RANBP2: variants seen among roughly 807,000 people sequenced by gnomAD.
The protein encoded by RANBP2 is RAN binding protein 2, also known as E3 SUMO-protein ligase RanBP2.
RANBP2 carries 57 observed loss-of-function variants against 303.6 expected under a neutral mutation model. The ratio of observed to expected loss-of-function variants is 0.19; its 90% confidence interval spans 0.15 to 0.23. The LOEUF is 0.23. RANBP2 is among the 10% of genes least tolerant of loss of function. The pLI is 1.00. For synonymous variants in RANBP2, 1,167 were observed against 1,301.5 expected, an observed-to-expected ratio of 0.90 and a Z score of 2.23; for missense variants, 3,138 against 3,780.8, an observed-to-expected ratio of 0.83 and a Z score of 4.46.
chr2:109,441,132 C>CAAAAAA, the RANBP2 span, among the ~76,000 whole-genome samples: 17 of 134,050 alleles, frequency 1.3e-4, no homozygotes, highest in African/African-American at 5.0e-4. Context: ...TATAGGAATA[C>CAAAAAA]AAAAAAAAAA....
the RANBP2 span, among the ~76,000 whole-genome samples, chr2:109,263,528 T>C: frequency 6.6e-6 from 1 of 152,214 alleles, no homozygotes; most frequent in African/African-American, 2.4e-5. Context: ...ATAGAAAGAT[T>C]GATTCTCTCA....
At chr2:109,421,268 A>G in the RANBP2 span, among the ~76,000 whole-genome samples, 4 of 152,378 alleles carry the variant, frequency 2.6e-5, no homozygotes, top group South Asian at 8.3e-4. Context: ...TGAGTGCTTC[A>G]AGGGCAAAGC....
chr2:108,900,923 A>G, the RANBP2 span, among the ~76,000 whole-genome samples: 1 of 152,208 alleles, frequency 6.6e-6, no homozygotes, highest in Non-Finnish European at 1.5e-5. Flanking sequence ...ACCTGAAAGA[A>G]GAGATAAGTC....
At chr2:109,449,509 C>T in the RANBP2 span, 79 of 1,610,704 alleles carry the variant, frequency 4.9e-5, no homozygotes, top group Non-Finnish European at 5.9e-5. Context: ...CCATCCTGGA[C>T]GAGCCCTGGG....
chr2:109,041,683 G>A, the RANBP2 span, among the ~76,000 whole-genome samples: 3 of 141,014 alleles, frequency 2.1e-5, no homozygotes, highest in Admixed American at 7.0e-5. Context: ...CACCATGCCC[G>A]GCTTTTTTTT....
At position 108,766,436 on chromosome 2, in the gene RANBP2, C is replaced by A. The variant is rs397842524; in HGVS notation, c.5897C>A (p.Pro1966His). 6.2e-7 allele frequency: 1 copy of A among 1,611,824 alleles called. No individual in the cohort carries two copies. Among genetic ancestry groups the A allele is most frequent in the South Asian group, 1.1e-5 (1 of 90,976 alleles). ...GEGFQFGKKD[P>H]NFKGFSGAGE... ...GGATTTCAGTTTGGCAAAAAAGACCCCAATTTCAAGGGATTTTCAGGTGCT... is the reference window on the plus strand; with the variant it reads ...GGATTTCAGTTTGGCAAAAAAGACCACAATTTCAAGGGATTTTCAGGTGCT... Residue 1966 changes from proline to histidine, a missense_variant, in exon 20 of 29, where the codon CCC becomes CAC. By Grantham distance (77) the Pro-to-His change is moderately conservative. Around this residue, in one of 20 missense-constraint regions of RANBP2, gnomAD observed 348 missense variants for 360.4 expected, o/e 0.97. Coordinates refer to ENST00000283195, the MANE Select transcript of RANBP2 (RefSeq NM_006267.5).
At chr2:109,658,175 C>T in the RANBP2 span, among the ~76,000 whole-genome samples, 3 of 151,652 alleles carry the variant, frequency 2.0e-5, no homozygotes, top group South Asian at 6.3e-4. Flanking sequence ...TCAGCCGGGG[C>T]GGTGGCTCAT....
the RANBP2 span, among the ~76,000 whole-genome samples, chr2:109,765,818 TG>T: frequency 6.6e-6 from 1 of 150,932 alleles, no homozygotes. Context: ...TCAAATCAAC[TG>T]CCAGGGGACA....
At chr2:109,687,080 T>C in the RANBP2 span, among the ~76,000 whole-genome samples, 1 of 152,246 alleles carries the variant, frequency 6.6e-6, no homozygotes, top group Non-Finnish European at 1.5e-5. Context: ...ATTTGTCCTT[T>C]AAATACAGCC....
At chr2:108,859,586 T>A in the RANBP2 span, among the ~76,000 whole-genome samples, 1 of 151,754 alleles carries the variant, frequency 6.6e-6, no homozygotes, top group East Asian at 1.9e-4. Context: ...TATTGTGATT[T>A]TCTTTGTTGA....
chr2:108,876,360 A>G, the RANBP2 span: 1 of 599,162 alleles, frequency 1.7e-6, no homozygotes, highest in Non-Finnish European at 2.8e-6. Context: ...AGCATCATTT[A>G]TCATGAAAAA....
chr2:109,449,816 C>T, the RANBP2 span, among the ~76,000 whole-genome samples: 1 of 152,210 alleles, frequency 6.6e-6, no homozygotes, highest in African/African-American at 2.4e-5. Context: ...TTTGTTAGAA[C>T]AGGATATTTA....
the RANBP2 span, among the ~76,000 whole-genome samples, chr2:109,648,665 T>TC: frequency 6.6e-6 from 1 of 150,476 alleles, no homozygotes; most frequent in Admixed American, 6.7e-5. Context: ...TTTTTTTTTT[T>TC]TTTTCTGAGA....
At chr2:109,169,234 T>C in the RANBP2 span, among the ~76,000 whole-genome samples, 1 of 152,240 alleles carries the variant, frequency 6.6e-6, no homozygotes, top group African/African-American at 2.4e-5. Flanking sequence ...CTGGTTTGTC[T>C]CTAAGCATTT....
chr2:109,560,279 C>T, the RANBP2 span, among the ~76,000 whole-genome samples: 2 of 152,156 alleles, frequency 1.3e-5, no homozygotes, highest in African/African-American at 2.4e-5. Flanking sequence ...CAAGAATTGT[C>T]AAGGAAGCAC....
At chr2:109,469,446 T>A in the RANBP2 span, among the ~76,000 whole-genome samples, 3 of 152,132 alleles carry the variant, frequency 2.0e-5, no homozygotes, top group Admixed American at 2.0e-4. Flanking sequence ...CGAGGAAGGG[T>A]TTGACAGTAA....
the RANBP2 span, among the ~76,000 whole-genome samples, chr2:109,344,495 G>A: frequency 1.3e-5 from 2 of 152,216 alleles, no homozygotes; most frequent in Admixed American, 6.5e-5. Context: ...CTCGGCTGCC[G>A]TGCCGAGGAG....
the RANBP2 span, among the ~76,000 whole-genome samples, chr2:109,659,197 C>T: frequency 4.0e-5 from 6 of 151,700 alleles, no homozygotes; most frequent in Non-Finnish European, 2.9e-5. Flanking sequence ...GCCAACACGG[C>T]GAAACCCCAT....
the RANBP2 span, among the ~76,000 whole-genome samples, chr2:109,091,081 A>C: frequency 1.3e-5 from 2 of 152,114 alleles, no homozygotes; most frequent in Non-Finnish European, 2.9e-5. Context: ...AAAAAAGTAA[A>C]ATAGTCAGGC....
Sources: gnomAD v4.1 joint callset for allele counts (sites outside exome capture counted in the v4.1 genomes callset) on GRCh38, gnomAD v4.1.1 for gene constraint, gnomAD v4.1.1 regional missense constraint, MANE v1.5 for transcripts, NCBI Gene and HGNC (gene_info 2026-07-23, HGNC 2026-07-21) for gene names.